CAMKMT: variants seen among roughly 807,000 people sequenced by gnomAD.
CAMKMT encodes CaM KMT.
A neutral mutation model predicts 48.0 loss-of-function variants in CAMKMT; 53 were observed. The ratio of observed to expected loss-of-function variants is 1.10; its 90% confidence interval spans 0.89 to 1.39. CAMKMT has a LOEUF of 1.39. CAMKMT is among the 40% of genes most tolerant of loss of function. The probability of loss-of-function intolerance (pLI) is 0.00; values close to 1 mark genes in which losing one functional copy is unlikely to be tolerated. For synonymous variants in CAMKMT, 165 were observed against 152.3 expected (o/e 1.08, Z -0.61); for missense variants, 428 against 402.7 (o/e 1.06, Z -0.54).
chr2:44,673,000 C>A (rs1465869386), intron 3 of CAMKMT, among the ~76,000 whole-genome samples: 2 of 152,112 alleles, frequency 1.3e-5, no homozygotes, highest in Non-Finnish European at 2.9e-5. Context: ...TGGAATAGCA[C>A]TGAAATAGGG....
chr2:44,464,549 C>T (rs919489493), intron 3 of CAMKMT, among the ~76,000 whole-genome samples: 9 of 152,082 alleles, frequency 5.9e-5, no homozygotes, highest in African/African-American at 1.7e-4. Flanking sequence ...TATAAACTGT[C>T]GAATGTCAAA....
At chr2:44,532,665 TA>T (rs1343239365) in intron 3 of CAMKMT, among the ~76,000 whole-genome samples, 1 of 152,196 alleles carries the variant, frequency 6.6e-6, no homozygotes, top group African/African-American at 2.4e-5. Flanking sequence ...AATTTATTTT[TA>T]TGTGGAAGCC....
At chr2:44,437,493 A>G (rs1283978318) in intron 3 of CAMKMT, among the ~76,000 whole-genome samples, 2 of 141,032 alleles carry the variant, frequency 1.4e-5, no homozygotes, top group Non-Finnish European at 2.9e-5. Flanking sequence ...CTTTATGTCC[A>G]TGTTTTTCTG....
chr2:44,625,145 C>A (rs1357899298), intron 3 of CAMKMT, among the ~76,000 whole-genome samples: 2 of 152,180 alleles, frequency 1.3e-5, no homozygotes, highest in Non-Finnish European at 2.9e-5. Context: ...GCTTCACATC[C>A]TTACTAACGC....
chr2:44,520,902 T>C (rs909750758), intron 3 of CAMKMT, among the ~76,000 whole-genome samples: 1 of 152,220 alleles, frequency 6.6e-6, no homozygotes, highest in Non-Finnish European at 1.5e-5. Flanking sequence ...CCTGCCGCTC[T>C]GTGAAGAGGT....
intron 3 of CAMKMT, chr2:44,456,603 C>G (rs1391467942): frequency 7.1e-6 from 11 of 1,549,546 alleles, no homozygotes; most frequent in Non-Finnish European, 7.0e-6. Flanking sequence ...ATATCACCAT[C>G]AGTAGTAACT....
In CAMKMT at chr2:44,427,677, AT is replaced by A. The variant is rs889284359; in HGVS notation, c.376+37381del. On this transcript the variant is annotated intron_variant, in intron 3 of 10. Transcript: ENST00000378494. ...CCTGTATCTTAAAATGTGTATATGTATTTTTTTTTAGCCTTCAAATGTAAAT... is the reference window on the plus strand; with the variant it reads ...CCTGTATCTTAAAATGTGTATATGTATTTTTTTTAGCCTTCAAATGTAAAT... Among the ~76,000 whole-genome samples the A allele has an allele frequency of 9.2e-4, 140 of 151,364 alleles. 1 individual carries two copies. Among genetic ancestry groups the A allele is most frequent in the East Asian group, 3.5e-3 (18 of 5,180 alleles).
intron 3 of CAMKMT, among the ~76,000 whole-genome samples, chr2:44,594,850 G>A (rs769007562): frequency 6.6e-5 from 10 of 152,140 alleles, no homozygotes; most frequent in African/African-American, 2.4e-4. Flanking sequence ...CACAGCAAAA[G>A]AAACTATCAT....
chr2:44,380,800 G>A (rs1025798221), intron 2 of CAMKMT, among the ~76,000 whole-genome samples: 4 of 152,096 alleles, frequency 2.6e-5, no homozygotes, highest in Non-Finnish European at 4.4e-5. Context: ...TATAGGATGA[G>A]GTTTACTGTT....
At chr2:44,707,782 G>A (rs1431996704) in intron 6 of CAMKMT, among the ~76,000 whole-genome samples, 1 of 152,072 alleles carries the variant, frequency 6.6e-6, no homozygotes, top group East Asian at 1.9e-4. Flanking sequence ...ATTTGCCAGT[G>A]TAAAACAAAT....
chr2:44,624,059 A>G (rs891194576), intron 3 of CAMKMT, among the ~76,000 whole-genome samples: 7 of 152,156 alleles, frequency 4.6e-5, no homozygotes, highest in African/African-American at 1.2e-4. Context: ...CCAACTGTTG[A>G]TAAAACAAAA....
intron 3 of CAMKMT, among the ~76,000 whole-genome samples, chr2:44,654,827 T>A (rs894859455): frequency 1.3e-5 from 2 of 152,236 alleles, no homozygotes; most frequent in African/African-American, 2.4e-5. Context: ...CACGCCATTT[T>A]AAAACAACTT....
intron 3 of CAMKMT, chr2:44,456,591 A>G (rs1294502331): frequency 1.9e-6 from 3 of 1,549,724 alleles, no homozygotes; most frequent in African/African-American, 2.7e-5. Flanking sequence ...GGGAAAATGA[A>G]GATATCACCA....
intron 3 of CAMKMT, among the ~76,000 whole-genome samples, chr2:44,627,484 A>G (rs1194093465): frequency 6.6e-6 from 1 of 152,074 alleles, no homozygotes; most frequent in Non-Finnish European, 1.5e-5. Flanking sequence ...TTAATGCTTG[A>G]TAGAATTAAT....
Position 44,456,624 on chromosome 2 carries a change from T to A in CAMKMT, c.376+66319T>A, listed in dbSNP as rs185287880. Reference sequence around the variant, plus strand: ...CCATCAGTAGTAACTCTTCCTTTTTTGTTTAAATGGTAAATATGCCTGGGG... The same window carrying A: ...CCATCAGTAGTAACTCTTCCTTTTTAGTTTAAATGGTAAATATGCCTGGGG... On this transcript the variant is annotated intron_variant, in intron 3 of 10. Coordinates refer to ENST00000378494, the MANE Select transcript of CAMKMT (RefSeq NM_024766.5). The A allele has an allele frequency of 5.6e-4, 860 of 1,548,016 alleles. 5 individuals carry two copies. The African/African-American group carries it at 0.011, about 20-fold the overall frequency.
At chr2:44,585,557 G>T (rs1296756755) in intron 3 of CAMKMT, among the ~76,000 whole-genome samples, 1 of 152,166 alleles carries the variant, frequency 6.6e-6, no homozygotes, top group Non-Finnish European at 1.5e-5. Flanking sequence ...CTGAATTTCT[G>T]TGTCATGCAT....
At chr2:44,396,326 C>G (rs1291780097) in intron 3 of CAMKMT, among the ~76,000 whole-genome samples, 1 of 152,082 alleles carries the variant, frequency 6.6e-6, no homozygotes, top group Non-Finnish European at 1.5e-5. Context: ...AAATTACACA[C>G]TGGCAATTAT....
At chr2:44,385,783 T>A (rs755881962) in intron 2 of CAMKMT, among the ~76,000 whole-genome samples, 15 of 152,158 alleles carry the variant, frequency 9.9e-5, no homozygotes, top group Non-Finnish European at 1.8e-4. Flanking sequence ...CATTTATTGA[T>A]TTGCATATGT....
chr2:44,541,303 A>G (rs1667091691), intron 3 of CAMKMT, among the ~76,000 whole-genome samples: 1 of 152,172 alleles, frequency 6.6e-6, no homozygotes, highest in African/African-American at 2.4e-5. Flanking sequence ...AGACATCTTT[A>G]TGCTGTTGAG....
Sources: gnomAD v4.1 joint callset for allele counts (sites outside exome capture counted in the v4.1 genomes callset) on GRCh38, gnomAD v4.1.1 for gene constraint, MANE v1.5 for transcripts, NCBI Gene and HGNC (gene_info 2026-07-23, HGNC 2026-07-21) for gene names.